The following ATP8A2 variants were observed in gnomAD, a reference collection of about 807,000 sequenced individuals.
ATP8A2 encodes the protein phospholipid-transporting ATPase IB.
Under a neutral mutation model 165.6 loss-of-function variants are expected in ATP8A2, and 100 were observed. The ratio of observed to expected loss-of-function variants is 0.60; its 90% confidence interval spans 0.51 to 0.71. The LOEUF is 0.71. Among genes scored for constraint, ATP8A2 ranks in the 30% least tolerant of loss-of-function variants. The pLI, the probability that ATP8A2 is intolerant of heterozygous loss-of-function variation, is 0.00. For missense variants in ATP8A2, 1,227 were observed against 1,479.5 expected, an observed-to-expected ratio of 0.83 and a Z score of 2.80; for synonymous variants, 543 against 548.8, an observed-to-expected ratio of 0.99 and a Z score of 0.15.
chr13:25,881,707 T>C (rs1224091735), intron 33 of ATP8A2, among the ~76,000 whole-genome samples: 1 of 152,098 alleles, frequency 6.6e-6, no homozygotes, highest in Non-Finnish European at 1.5e-5. Context: ...TTAGGGACAT[T>C]GCTTGCTCTA....
intron 24 of ATP8A2, among the ~76,000 whole-genome samples, chr13:25,662,505 A>T (rs2042071290): frequency 1.3e-5 from 2 of 152,076 alleles, no homozygotes; most frequent in Admixed American, 6.6e-5. Context: ...TCGAACAGGG[A>T]AGAGGTCTTT....
intron 35 of ATP8A2, among the ~76,000 whole-genome samples, chr13:26,000,683 T>C (rs1956614517): frequency 1.5e-5 from 2 of 136,942 alleles, no homozygotes; most frequent in South Asian, 2.5e-4. Flanking sequence ...GCATACCTGC[T>C]TCTGCCAGTA....
intron 24 of ATP8A2, among the ~76,000 whole-genome samples, chr13:25,609,470 G>A (rs1489821836): frequency 1.5e-5 from 1 of 65,558 alleles, no homozygotes; most frequent in Non-Finnish European, 4.4e-5. Context: ...ATACCCATGT[G>A]ATGCCTAGAG....
At chr13:25,954,617 C>G (rs182594427) in intron 33 of ATP8A2, among the ~76,000 whole-genome samples, 1 of 152,332 alleles carries the variant, frequency 6.6e-6, no homozygotes, top group African/African-American at 2.4e-5. Flanking sequence ...AGAGCTCTGA[C>G]TGGCATCTGG....
Position 25,551,321 on chromosome 13 carries a change from T to C in ATP8A2, c.892-17T>C. 1.2e-6 allele frequency: 2 copies of C among 1,605,620 alleles called. No homozygotes were observed. The highest frequency in any genetic ancestry group is 1.7e-6 in the Non-Finnish European group (2 of 1,173,158). On this transcript the variant is annotated splice_polypyrimidine_tract_variant and intron_variant, in intron 10 of 36. Transcript: ENST00000381655. Reference sequence around the variant, plus strand: ...TCTGTTCTGTGACCCTTACTGACTTTCAATGCTGTTGTGTAGAATTCAACC... The same window carrying C: ...TCTGTTCTGTGACCCTTACTGACTTCCAATGCTGTTGTGTAGAATTCAACC...
Position 25,979,312 on chromosome 13 carries a change from G to A in ATP8A2, c.3377+10633G>A, listed in dbSNP as rs564545906. Among the ~76,000 whole-genome samples, 446 of 151,580 alleles carry A rather than the reference G, an allele frequency of 2.9e-3. 2 individuals are homozygous for A. Among genetic ancestry groups the A allele is most frequent in the African/African-American group, 1.0e-2 (412 of 41,364 alleles). ...AAACATTTCTCTATTAACAGGAACA[G>A]AAAAAAAAATTATTCTTGGGTTTAA... On this transcript the variant is annotated intron_variant, in intron 35 of 36. Coordinates refer to ENST00000381655, the MANE Select transcript of ATP8A2 (RefSeq NM_016529.6).
rs145480046 is a variant in ATP8A2, at chr13:25,917,307, CCTT to C, written c.3184-44264_3184-44262del. On this transcript the variant is annotated intron_variant, in intron 33 of 36. Transcript: ENST00000381655. ...TCCTTCCCTTGTCTTCCCTTCCCTTCCTTCTTTTTGTCCCCCCATTTAAAGACT... is the reference window on the plus strand; with the variant it reads ...TCCTTCCCTTGTCTTCCCTTCCCTTCCTTTTTGTCCCCCCATTTAAAGACT... Among the ~76,000 whole-genome samples, 919 of 152,336 alleles carry C rather than the reference CCTT, an allele frequency of 6.0e-3. 7 individuals carry two copies. The highest frequency in any genetic ancestry group is 0.021 in the African/African-American group (876 of 41,576).
chr13:25,475,717 G>A (rs2035974702), intron 2 of ATP8A2, among the ~76,000 whole-genome samples: 1 of 152,216 alleles, frequency 6.6e-6, no homozygotes, highest in Admixed American at 6.5e-5. Flanking sequence ...TTCTGGTGGT[G>A]TGAGATGGTA....
intron 27 of ATP8A2, among the ~76,000 whole-genome samples, chr13:25,824,720 T>G (rs1951271386): frequency 6.6e-6 from 1 of 152,202 alleles, no homozygotes; most frequent in South Asian, 2.1e-4. Flanking sequence ...TTTTTTTTCT[T>G]TTCAGTTCAC....
intron 27 of ATP8A2, among the ~76,000 whole-genome samples, chr13:25,792,037 C>T (rs981848945): frequency 2.0e-5 from 3 of 152,218 alleles, no homozygotes; most frequent in African/African-American, 7.2e-5. Flanking sequence ...AAATTAAAAA[C>T]TTTTTAGAGC....
rs191298551 is a variant in ATP8A2, at chr13:25,920,296, C to T, written c.3184-41279C>T. Among the ~76,000 whole-genome samples, 390 of 152,244 alleles carry T rather than the reference C, an allele frequency of 2.6e-3. 1 individual carries two copies. The highest frequency in any genetic ancestry group is 8.2e-3 in the African/African-American group (342 of 41,536). On this transcript the variant is annotated intron_variant, in intron 33 of 36. Transcript: ENST00000381655. Reference sequence around the variant, plus strand: ...CTTCTGGCTTCCATTCATACCTGCACGTGTATGACCTCCAAATCTAAATCT... The same window carrying T: ...CTTCTGGCTTCCATTCATACCTGCATGTGTATGACCTCCAAATCTAAATCT...
intron 1 of ATP8A2, among the ~76,000 whole-genome samples, chr13:25,380,185 A>G (rs2032787856): frequency 6.6e-6 from 1 of 152,328 alleles, no homozygotes; most frequent in African/African-American, 2.4e-5. Context: ...GTTGCAATCA[A>G]GCCATACAAA....
intron 33 of ATP8A2, among the ~76,000 whole-genome samples, chr13:25,878,693 C>G (rs569138341): frequency 6.6e-6 from 1 of 152,044 alleles, no homozygotes; most frequent in Admixed American, 6.6e-5. Flanking sequence ...TTCATTTTAC[C>G]CAGCCCCTAT....
intron 34 of ATP8A2, among the ~76,000 whole-genome samples, chr13:25,964,555 G>A (rs1005419577): frequency 6.6e-6 from 1 of 152,200 alleles, no homozygotes; most frequent in Non-Finnish European, 1.5e-5. Context: ...TTTAGAAAAC[G>A]CTGTTGGCTT....
At chr13:25,618,975 G>A (rs2040899382) in intron 24 of ATP8A2, among the ~76,000 whole-genome samples, 1 of 152,160 alleles carries the variant, frequency 6.6e-6, no homozygotes. Context: ...GTCGTGGTAG[G>A]CTAGGTTACC....
intron 16 of ATP8A2, 107 bp from the exon 17 acceptor site, chr13:25,570,660 A>G (rs1258644195): frequency 6.8e-6 from 6 of 885,400 alleles, no homozygotes; most frequent in Admixed American, 5.6e-5. Context: ...ACCCTGTCCT[A>G]CAGGGAGCAA....
chr13:25,999,564 C>T (rs1956594266), intron 35 of ATP8A2, among the ~76,000 whole-genome samples: 1 of 152,196 alleles, frequency 6.6e-6, no homozygotes, highest in Non-Finnish European at 1.5e-5. Flanking sequence ...CTCCACGTCA[C>T]CTCTCCTGAG....
intron 27 of ATP8A2, among the ~76,000 whole-genome samples, chr13:25,802,519 G>A (rs1950642411): frequency 2.0e-5 from 3 of 152,174 alleles, no homozygotes; most frequent in Non-Finnish European, 2.9e-5. Flanking sequence ...GATGATACAT[G>A]TTCACTGTGC....
At chr13:25,777,597 C>G (rs2044770839) in intron 27 of ATP8A2, among the ~76,000 whole-genome samples, 1 of 151,908 alleles carries the variant, frequency 6.6e-6, no homozygotes, top group African/African-American at 2.4e-5. Context: ...TCTCAGATGC[C>G]CTCTAAGATA....
Sources: allele counts gnomAD v4.1 joint callset (sites outside exome capture counted in the v4.1 genomes callset), GRCh38; gene constraint gnomAD v4.1.1; transcripts MANE v1.5; gene names NCBI Gene and HGNC (gene_info 2026-07-23, HGNC 2026-07-21).